SMYD3: variants seen among roughly 807,000 people sequenced by gnomAD.
SMYD3 encodes histone-lysine N-methyltransferase SMYD3.
A neutral mutation model predicts 57.7 loss-of-function variants in SMYD3; 36 were observed. The observed-to-expected ratio is 0.62, with a 90% confidence interval of 0.48 to 0.82. The LOEUF is 0.82. SMYD3 is among the 40% of genes least tolerant of loss of function. The pLI is 0.00. For missense variants in SMYD3, 515 were observed against 538.8 expected, an observed-to-expected ratio of 0.96 and a Z score of 0.44; for synonymous variants, 211 against 195.0, an observed-to-expected ratio of 1.08 and a Z score of -0.68.
At chr1:245,936,328 G>C (rs1259775705) in intron 5 of SMYD3, among the ~76,000 whole-genome samples, 1 of 151,194 alleles carries the variant, frequency 6.6e-6, no homozygotes. Context: ...TTGAAAAAAT[G>C]TTAGGAGGAG....
At position 245,814,441 on chromosome 1, in the gene SMYD3, G is replaced by A. The variant is rs376024253; in HGVS notation, c.1076+44055C>T. The A allele has an allele frequency of 2.9e-3, 2,723 of 928,762 alleles. 6 individuals are homozygous for A. Among genetic ancestry groups the A allele is most frequent in the Non-Finnish European group, 3.2e-3 (2,529 of 779,026 alleles). 57.5% of individuals were successfully genotyped at this position (928,762 alleles called of 1,614,324 possible). A position where few individuals can be genotyped will look rare whatever the true frequency, so the allele number is the denominator to read the frequency against. On this transcript the variant is annotated intron_variant, in intron 10 of 11. Coordinates refer to ENST00000490107, the MANE Select transcript of SMYD3 (RefSeq NM_001167740.2). ...CTGGGGGCAAAAAAAAAATAAAAAC[G>A]AAAAAATAAACAATAAAAATAAATA...
At chr1:245,859,328 AG>A (rs1352375339) in intron 9 of SMYD3, among the ~76,000 whole-genome samples, 1 of 152,238 alleles carries the variant, frequency 6.6e-6, no homozygotes, top group Non-Finnish European at 1.5e-5. Flanking sequence ...AGACAGTATT[AG>A]GAACATGGCT....
chr1:245,869,620 G>A lies in SMYD3; in HGVS notation c.814-5734C>T, dbSNP rs536551434. Among the ~76,000 whole-genome samples, 12 of 152,236 alleles carry A rather than the reference G, an allele frequency of 7.9e-5. No homozygotes were observed. The South Asian group carries it at 1.7e-3, about 21-fold the overall frequency. ...TGTGCCGTTGTTCTCAGGTAAGAAC[G>A]AGTCTCATTTGTCCATTCTCTCTCT... On this transcript the variant is annotated intron_variant, in intron 8 of 11. Transcript: ENST00000490107.
intron 5 of SMYD3, among the ~76,000 whole-genome samples, chr1:246,079,543 G>A (rs969279787): frequency 1.3e-5 from 2 of 152,152 alleles, no homozygotes; most frequent in East Asian, 1.9e-4. Context: ...TAAAACTCGT[G>A]TAAGTTTCCG....
At chr1:246,112,626 C>T (rs1286981349) in intron 5 of SMYD3, among the ~76,000 whole-genome samples, 3 of 151,924 alleles carry the variant, frequency 2.0e-5, no homozygotes, top group Middle Eastern at 3.2e-3. Flanking sequence ...GAATTTACAC[C>T]GTGAATAATG....
chr1:246,443,475 G>C (rs2067501203), intron 1 of SMYD3, among the ~76,000 whole-genome samples: 1 of 152,190 alleles, frequency 6.6e-6, no homozygotes, highest in Non-Finnish European at 1.5e-5. Flanking sequence ...TTCAGCAATT[G>C]AGATTAATGT....
intron 1 of SMYD3, among the ~76,000 whole-genome samples, chr1:246,506,017 T>C (rs973993049): frequency 2.6e-5 from 4 of 152,242 alleles, no homozygotes; most frequent in African/African-American, 4.8e-5. Flanking sequence ...TGCAAAGTCA[T>C]ATTCCTGAAT....
chr1:246,506,992 C>CCCCCCCCCGACG, intron 1 of SMYD3, 62 bp downstream of exon 1: 1 of 859,486 alleles, frequency 1.2e-6, no homozygotes, highest in Non-Finnish European at 1.6e-6. Flanking sequence ...GCCCGACGCC[C>CCCCCCCCCGACG]CCCCCTCCCC....
At chr1:245,797,298 C>T (rs747177660) in intron 10 of SMYD3, among the ~76,000 whole-genome samples, 10 of 152,040 alleles carry the variant, frequency 6.6e-5, no homozygotes, top group Non-Finnish European at 1.5e-4. Flanking sequence ...CAATGATAGA[C>T]TGGATTAAGA....
intron 5 of SMYD3, among the ~76,000 whole-genome samples, chr1:246,209,606 T>G (rs2063056319): frequency 6.6e-6 from 1 of 151,900 alleles, no homozygotes. Flanking sequence ...GGTAACTGGT[T>G]GATTTAGATG....
chr1:246,277,965 T>C (rs999809208), intron 5 of SMYD3, among the ~76,000 whole-genome samples: 2 of 152,238 alleles, frequency 1.3e-5, no homozygotes, highest in Admixed American at 1.3e-4. Flanking sequence ...ATTATATTCA[T>C]GGCATACATA....
At chr1:246,026,257 A>G (rs562586070) in intron 5 of SMYD3, among the ~76,000 whole-genome samples, 4 of 152,390 alleles carry the variant, frequency 2.6e-5, no homozygotes, top group African/African-American at 4.8e-5. Flanking sequence ...AGAAGAGAGC[A>G]TAAAGAAGTC....
At chr1:245,994,658 TC>T in intron 5 of SMYD3, among the ~76,000 whole-genome samples, 1 of 152,296 alleles carries the variant, frequency 6.6e-6, no homozygotes, top group African/African-American at 2.4e-5. Context: ...GGGAGGGCCT[TC>T]TCATAAAATG....
chr1:246,395,396 T>G (rs2066642857), intron 1 of SMYD3, among the ~76,000 whole-genome samples: 1 of 152,270 alleles, frequency 6.6e-6, no homozygotes, highest in African/African-American at 2.4e-5. Context: ...GCAGTCCAAG[T>G]GGAAATGTTC....
rs1474476913 is a variant in SMYD3 at position 245,863,899 on chromosome 1, G to A, written c.814-13C>T. 3.7e-6 allele frequency: 6 copies of A among 1,612,564 alleles called. No homozygotes were observed. Among genetic ancestry groups the A allele is most frequent in the Admixed American group, 1.7e-5 (1 of 60,012 alleles). ...GCATATCAGCATCCTGCTCAGGCCA[G>A]AAAAGGAAGACAAATAATCTAATTA... On this transcript the variant is annotated splice_polypyrimidine_tract_variant and intron_variant, in intron 8 of 11. Coordinates refer to ENST00000490107, the MANE Select transcript of SMYD3 (RefSeq NM_001167740.2).
chr1:245,846,491 C>T (rs2050673524), intron 10 of SMYD3, among the ~76,000 whole-genome samples: 1 of 152,198 alleles, frequency 6.6e-6, no homozygotes. Flanking sequence ...TTCAGGCTGA[C>T]TCAAATGCTT....
chr1:245,957,469 T>C (rs957897563), intron 5 of SMYD3, among the ~76,000 whole-genome samples: 7 of 152,220 alleles, frequency 4.6e-5, no homozygotes, highest in Non-Finnish European at 1.0e-4. Flanking sequence ...GTCCTTACTC[T>C]TTAACGTCAA....
intron 5 of SMYD3, among the ~76,000 whole-genome samples, chr1:246,084,944 T>C (rs896342909): frequency 6.6e-6 from 1 of 152,184 alleles, no homozygotes; most frequent in African/African-American, 2.4e-5. Flanking sequence ...CCCCTAAAGA[T>C]GCGCATTAAC....
chr1:245,928,536 T>C (rs2056528587), intron 6 of SMYD3, among the ~76,000 whole-genome samples: 1 of 151,960 alleles, frequency 6.6e-6, no homozygotes, highest in African/African-American at 2.4e-5. Flanking sequence ...TAGCTGGGTG[T>C]GGTGGCACAT....
Sources: gnomAD v4.1 joint callset for allele counts (sites outside exome capture counted in the v4.1 genomes callset) on GRCh38, gnomAD v4.1.1 for gene constraint, MANE v1.5 for transcripts, NCBI Gene and HGNC (gene_info 2026-07-23, HGNC 2026-07-21) for gene names.